The following NCKAP1 variants were observed in gnomAD, a reference collection of about 807,000 sequenced individuals.
The protein encoded by NCKAP1 is NCK associated protein 1, also known as nck-associated protein 1.
Under a neutral mutation model 151.2 loss-of-function variants are expected in NCKAP1, and 21 were observed. The observed-to-expected ratio is 0.14, with a 90% CI of 0.10 to 0.20. The LOEUF is 0.20. NCKAP1 is among the 10% of genes least tolerant of loss of function. NCKAP1 has a pLI of 1.00. For synonymous variants in NCKAP1, 484 were observed against 451.8 expected, an observed-to-expected ratio of 1.07 and a Z score of -0.90; for missense variants, 933 against 1,352.1, an observed-to-expected ratio of 0.69 and a Z score of 4.86.
chr2:182,928,308 C>A lies in NCKAP1; in HGVS notation c.3071-82G>T, dbSNP rs924256938. ...GGCAAATCTTTAATGACTTCACAAT[C>A]TGCATAAATAGGGGCATAATTAAGA... On this transcript the variant is annotated intron_variant, in intron 28 of 30. Coordinates refer to ENST00000361354, the MANE Select transcript of NCKAP1 (RefSeq NM_013436.5). 4 of 952,490 alleles carry A rather than the reference C, an allele frequency of 4.2e-6. No homozygotes were observed. The African/African-American group carries it at 6.6e-5, about 16-fold the overall frequency. 59.0% of individuals were successfully genotyped at this position (952,490 alleles called of 1,614,324 possible). A position where few individuals can be genotyped will look rare whatever the true frequency, so the allele number is the denominator to read the frequency against.
intron 16 of NCKAP1, 104 bp downstream of exon 16, chr2:182,967,112 A>G (rs1697587929): frequency 2.9e-6 from 3 of 1,035,402 alleles, no homozygotes; most frequent in Non-Finnish European, 2.7e-6. Context: ...TTAAGGATCT[A>G]TTACTGAACT....
intron 16 of NCKAP1, 131 bp downstream of exon 16, chr2:182,967,085 C>A: frequency 1.3e-6 from 1 of 780,316 alleles, no homozygotes; most frequent in Middle Eastern, 4.0e-4. Context: ...AATAAAAGTC[C>A]ACTATTCCCT....
chr2:183,008,910 C>T (rs1698533391), intron 2 of NCKAP1, among the ~76,000 whole-genome samples: 1 of 152,046 alleles, frequency 6.6e-6, no homozygotes. Context: ...CTTAAGATTA[C>T]CTAAAAATTC....
At chr2:182,977,513 T>C (rs1391381534) in intron 14 of NCKAP1, among the ~76,000 whole-genome samples, 1 of 152,134 alleles carries the variant, frequency 6.6e-6, no homozygotes, top group East Asian at 1.9e-4. Flanking sequence ...ATAAATATCA[T>C]GCACTATTAT....
At chr2:183,032,229 T>G (rs1249036394) in intron 1 of NCKAP1, among the ~76,000 whole-genome samples, 1 of 152,140 alleles carries the variant, frequency 6.6e-6, no homozygotes, top group East Asian at 1.9e-4. Context: ...AAAAAAAAAG[T>G]ATCAGAGCAT....
chr2:182,916,187 A>AAC lies in NCKAP1; in HGVS notation c.*9514_*9515insGT, dbSNP rs1553507415. 4 of 151,368 alleles carry AAC rather than the reference A, an allele frequency of 2.6e-5. No homozygotes were observed. The highest frequency in any genetic ancestry group is 5.9e-5 in the Non-Finnish European group (4 of 67,852). The allele number at this position is 151,368 out of a possible 1,614,324, so 9.4% of individuals were successfully genotyped here. A position where few individuals can be genotyped will look rare whatever the true frequency, so the allele number is the denominator to read the frequency against. On this transcript the variant is annotated 3_prime_UTR_variant, in exon 31 of 31. Transcript: ENST00000361354. Reference sequence around the variant, plus strand: ...CTTCTGTCAAAAAAAAAAAAAAAAAAAAAACATGTCTCTGTGTCATCACTG... The same window carrying AAC: ...CTTCTGTCAAAAAAAAAAAAAAAAAAACAAAACATGTCTCTGTGTCATCACTG...
At chr2:182,983,553 T>C (rs1697984785) in intron 10 of NCKAP1, among the ~76,000 whole-genome samples, 171 bp from the exon 11 acceptor site, 1 of 152,194 alleles carries the variant, frequency 6.6e-6, no homozygotes. Flanking sequence ...TAATCTTACA[T>C]TTATCCTGCC....
rs1055816680 is a variant in NCKAP1 at position 182,935,133 on chromosome 2, C to T, written c.2778+160G>A. 1.9e-5 allele frequency: 12 copies of T among 621,058 alleles called. No homozygotes were observed. In the African/African-American group the frequency reaches 2.3e-4, roughly 12 times the overall value. The allele number at this position is 621,058 out of a possible 1,614,324, so 38.5% of individuals were successfully genotyped here. The stretch of plus-strand genomic sequence containing the variant: ...CAGCAGTACCAAAACAAAAAATGAG[C>T]TTAAATAACTAATTTTATGTATGTT... On this transcript the variant is annotated intron_variant, in intron 25 of 30. Coordinates refer to ENST00000361354, the MANE Select transcript of NCKAP1 (RefSeq NM_013436.5).
rs1253681628 is a variant in NCKAP1 at position 182,919,423 on chromosome 2, T to C, written c.*6279A>G. On this transcript the variant is annotated 3_prime_UTR_variant, in exon 31 of 31. Coordinates refer to ENST00000361354, the MANE Select transcript of NCKAP1 (RefSeq NM_013436.5). Reference sequence around the variant, plus strand: ...AATGACTACCTACTTCAATGTGCTTTCTGGCAGCCAGAATCTGCATGCAAT... The same window carrying C: ...AATGACTACCTACTTCAATGTGCTTCCTGGCAGCCAGAATCTGCATGCAAT... 1 of 152,176 alleles carries C rather than the reference T, an allele frequency of 6.6e-6. No homozygotes were observed. Among genetic ancestry groups the C allele is most frequent in the East Asian group, 1.9e-4 (1 of 5,152 alleles). 9.4% of individuals were successfully genotyped at this position (152,176 alleles called of 1,614,324 possible).
chr2:182,959,276 G>C (rs1168137756), intron 18 of NCKAP1, among the ~76,000 whole-genome samples: 1 of 152,092 alleles, frequency 6.6e-6, no homozygotes, highest in South Asian at 2.1e-4. Context: ...ATATTAAAGA[G>C]ACCAGAGTGT....
intron 27 of NCKAP1, among the ~76,000 whole-genome samples, chr2:182,929,810 A>G (rs1431376466): frequency 2.0e-5 from 3 of 151,712 alleles, no homozygotes; most frequent in Non-Finnish European, 2.9e-5. Flanking sequence ...TGCTGCCTCA[A>G]GGAGGCAGAA....
chr2:182,996,270 A>G (rs1408336069), intron 6 of NCKAP1, among the ~76,000 whole-genome samples: 1 of 152,246 alleles, frequency 6.6e-6, no homozygotes, highest in African/African-American at 2.4e-5. Context: ...ATATTTCTCT[A>G]AAGAATGTCT....
At chr2:182,945,246 AC>A (rs1400801754) in intron 23 of NCKAP1, among the ~76,000 whole-genome samples, 4 of 16,620 alleles carry the variant, frequency 2.4e-4, no homozygotes, top group Admixed American at 2.5e-3. Flanking sequence ...AAAATAAAAA[AC>A]AAAAAAAAAG....
chr2:183,034,925 A>G (rs554304693), intron 1 of NCKAP1, among the ~76,000 whole-genome samples: 17 of 152,110 alleles, frequency 1.1e-4, no homozygotes, highest in Non-Finnish European at 2.5e-4. Context: ...TTACTAACCA[A>G]TGTTAGAGAA....
At chr2:183,009,414 G>C (rs989033012) in intron 2 of NCKAP1, among the ~76,000 whole-genome samples, 1 of 142,816 alleles carries the variant, frequency 7.0e-6, no homozygotes, top group Non-Finnish European at 1.5e-5. Context: ...AGACAGGAAA[G>C]AGGGAAGGGA....
At chr2:183,024,827 G>T in intron 1 of NCKAP1, 1 of 695,404 alleles carries the variant, frequency 1.4e-6, no homozygotes, top group Non-Finnish European at 2.3e-6. Context: ...ACATCTGTCT[G>T]CCATGTGTGA....
chr2:183,025,687 T>C (rs945116692), intron 1 of NCKAP1, among the ~76,000 whole-genome samples: 10 of 152,216 alleles, frequency 6.6e-5, no homozygotes, highest in Admixed American at 2.6e-4. Context: ...CTTTAAAATA[T>C]TCTTAAAATC....
At chr2:182,965,405 T>A (rs73046217) in intron 16 of NCKAP1, among the ~76,000 whole-genome samples, 8,984 of 151,962 alleles carry the variant, frequency 0.059, 881 homozygotes, top group African/African-American at 0.21. Context: ...GTTCACTGCA[T>A]CCTTAACCTC....
intron 2 of NCKAP1, among the ~76,000 whole-genome samples, chr2:183,008,018 C>A (rs1698513239): frequency 6.6e-6 from 1 of 152,156 alleles, no homozygotes; most frequent in Admixed American, 6.5e-5. Flanking sequence ...CCTCCTGTTA[C>A]CAGGTTCAAG....
Sources: gnomAD v4.1 joint callset for allele counts (sites outside exome capture counted in the v4.1 genomes callset) on GRCh38, gnomAD v4.1.1 for gene constraint, MANE v1.5 for transcripts, NCBI Gene and HGNC (gene_info 2026-07-23, HGNC 2026-07-21) for gene names.